The following CRYAB variants were observed in gnomAD, a reference collection of about 807,000 sequenced individuals.
CRYAB encodes alpha-crystallin B chain.
In CRYAB, 9 loss-of-function variants were observed where a neutral mutation model predicts 12.7. The observed-to-expected ratio is 0.71, with a 90% CI of 0.43 to 1.24. CRYAB has a LOEUF of 1.24. Among genes scored for constraint, CRYAB ranks in the 50% most tolerant of loss-of-function variants. CRYAB has a pLI of 0.00. For synonymous variants in CRYAB, 93 were observed against 86.8 expected, an observed-to-expected ratio of 1.07 and a Z score of -0.40; for missense variants, 183 against 226.6, an observed-to-expected ratio of 0.81 and a Z score of 1.24.
chr11:111,911,447 A>G (rs993133728), intron 1 of CRYAB, 77 bp downstream of exon 1: 16 of 1,459,226 alleles, frequency 1.1e-5, no homozygotes, highest in African/African-American at 5.6e-5. Flanking sequence ...TAGGCAGGGT[A>G]GGAAAGGAAA....
chr11:111,911,451 A>G, intron 1 of CRYAB, 73 bp downstream of exon 1: 1 of 1,494,718 alleles, frequency 6.7e-7, no homozygotes. Flanking sequence ...CAGGGTAGGA[A>G]AGGAAAATGG....
chr11:111,920,215 T>C (rs1555166416), intron 1 of CRYAB, among the ~76,000 whole-genome samples: 2 of 150,668 alleles, frequency 1.3e-5, no homozygotes, highest in Non-Finnish European at 3.0e-5. Flanking sequence ...TAAAATAAAA[T>C]AGAATAAAAT....
intron 1 of CRYAB, chr11:111,918,645 C>T (rs782012345): frequency 1.3e-5 from 9 of 674,784 alleles, no homozygotes; most frequent in East Asian, 1.1e-4. Flanking sequence ...AGAAGCATTT[C>T]GTAAGGAAAC....
At chr11:111,919,594 CT>C (rs1160279356) in intron 1 of CRYAB, among the ~76,000 whole-genome samples, 2 of 152,154 alleles carry the variant, frequency 1.3e-5, no homozygotes, top group East Asian at 1.9e-4. Flanking sequence ...CCTTCTTTCC[CT>C]TTCTTCCTGG....
upstream of CRYAB, among the ~76,000 whole-genome samples, chr11:111,915,821 C>A (rs142793577): frequency 1.3e-5 from 2 of 152,290 alleles, no homozygotes; most frequent in African/African-American, 4.8e-5. Flanking sequence ...TGGCTCACTG[C>A]AGCCTCAACC....
At chr11:111,913,494 C>T (rs782197093), upstream of CRYAB, 13 of 1,613,310 alleles carry the variant, frequency 8.1e-6, no homozygotes, top group African/African-American at 1.3e-5. Context: ...CTACTATGTC[C>T]GGCCTCGGGC....
rs1057520897 is a variant in CRYAB, at chr11:111,910,324, T to C, written c.324+3A>G. On this transcript the variant is annotated splice_donor_region_variant and intron_variant, in intron 2 of 2. Coordinates refer to ENST00000650687, the MANE Select transcript of CRYAB (RefSeq NM_001289808.2). ...GCAGAAAACAAAAAAACAAGCTACATACCTGGCGCTCTTCATGTTTTCCAT... is the reference window on the plus strand; with the variant it reads ...GCAGAAAACAAAAAAACAAGCTACACACCTGGCGCTCTTCATGTTTTCCAT... 5.6e-6 allele frequency: 9 copies of C among 1,614,078 alleles called. No individual in the cohort carries two copies. The highest frequency in any genetic ancestry group is 7.6e-6 in the Non-Finnish European group (9 of 1,180,044).
chr11:111,910,798 TCTGGCTCAGGTC>T, intron 1 of CRYAB: 2 of 374,088 alleles, frequency 5.3e-6, no homozygotes, highest in Non-Finnish European at 1.0e-5. Flanking sequence ...GGCCTCTTCT[TCTGGCTCAGGTC>T]TCTTTGCCAG....
At chr11:111,909,820 G>T in intron 2 of CRYAB, 1 of 282,434 alleles carries the variant, frequency 3.5e-6, no homozygotes. Context: ...TGTAGTTAAT[G>T]TAATTATGCA....
chr11:111,913,846 C>A, upstream of CRYAB: 2 of 1,613,578 alleles, frequency 1.2e-6, no homozygotes, highest in Middle Eastern at 1.6e-4. Context: ...CTGCTCCCTG[C>A]GCCTCCTGAT....
At chr11:111,909,380 T>TAA (rs57155014) in intron 2 of CRYAB, 8 of 318,924 alleles carry the variant, frequency 2.5e-5, no homozygotes, top group East Asian at 1.6e-4. Flanking sequence ...CTGCTGAAAT[T>TAA]AAAAAAAAAA....
chr11:111,909,629 G>C (rs1965390225), intron 2 of CRYAB: 1 of 201,950 alleles, frequency 5.0e-6, no homozygotes, highest in Admixed American at 5.3e-5. Flanking sequence ...TGACTCTCAA[G>C]CATGTAGCCA....
At chr11:111,915,880 CTACAGG>C (rs1403731564), upstream of CRYAB, among the ~76,000 whole-genome samples, 1 of 152,100 alleles carries the variant, frequency 6.6e-6, no homozygotes, top group African/African-American at 2.4e-5. Flanking sequence ...GTAGCTGGGA[CTACAGG>C]TGTGTGCCAC....
rs11603779 is a variant in CRYAB at position 111,910,323 on chromosome 11, A to T, written c.324+4T>A. ...AGCAGAAAACAAAAAAACAAGCTAC[A>T]TACCTGGCGCTCTTCATGTTTTCCA... is the stretch of plus-strand genomic sequence containing the variant. On this transcript the variant is annotated splice_donor_region_variant and intron_variant, in intron 2 of 2. Coordinates refer to ENST00000650687, the MANE Select transcript of CRYAB (RefSeq NM_001289808.2). 5 of 1,613,838 alleles carry T rather than the reference A, an allele frequency of 3.1e-6. No individual in the cohort carries two copies. In the Admixed American group the frequency reaches 6.7e-5, roughly 22 times the overall value.
upstream of CRYAB, among the ~76,000 whole-genome samples, chr11:111,914,511 C>A (rs1965567185): frequency 6.6e-6 from 1 of 152,150 alleles, no homozygotes; most frequent in Admixed American, 6.6e-5. Flanking sequence ...AAGGTCTGTC[C>A]ACTTAAATGG....
upstream of CRYAB, among the ~76,000 whole-genome samples, chr11:111,918,334 G>A (rs919368797): frequency 6.6e-6 from 1 of 152,206 alleles, no homozygotes; most frequent in African/African-American, 2.4e-5. Flanking sequence ...CCAGAAAGGG[G>A]ATTAGATTCA....
intron 1 of CRYAB, 28 bp from the exon 2 acceptor site, chr11:111,910,477 A>G: frequency 6.2e-7 from 1 of 1,614,036 alleles, no homozygotes; most frequent in Non-Finnish European, 8.5e-7. Context: ...AGGGAATGGG[A>G]TGGGAGAAAG....
chr11:111,911,576 C>G lies in CRYAB; in HGVS notation c.149G>C (p.Arg50Pro). Residue 50 changes from arginine to proline, a missense_variant, in exon 1 of 3, where the codon CGG becomes CCG. Arg to Pro is a moderately radical substitution (Grantham distance 103). This residue lies in a region of CRYAB where 86 missense variants were observed against 96.1 expected (regional missense o/e 0.89). Transcript: ENST00000650687. ...TSTSLSPFYL[R>P]PPSFLRAPSW... ...GGGTGCCCGCAGGAAGGAGGGTGGC[C>G]GAAGGTAGAAGGGACTCAGGGAAGT... is the stretch of plus-strand genomic sequence containing the variant. 6.2e-7 allele frequency: 1 copy of G among 1,613,040 alleles called. No homozygotes were observed.
At chr11:111,919,010 T>C (rs781873000) in intron 1 of CRYAB, 1 of 1,613,860 alleles carries the variant, frequency 6.2e-7, no homozygotes, top group African/African-American at 1.3e-5. Context: ...AGCTGGTGAG[T>C]AGGCTGGAAG....
Sources: gnomAD v4.1 joint callset for allele counts (sites outside exome capture counted in the v4.1 genomes callset) on GRCh38, gnomAD v4.1.1 for gene constraint, gnomAD v4.1.1 regional missense constraint, MANE v1.5 for transcripts, NCBI Gene and HGNC (gene_info 2026-07-23, HGNC 2026-07-21) for gene names.